SRP72: variants seen among roughly 807,000 people sequenced by gnomAD.
SRP72 encodes the protein signal recognition particle subunit SRP72.
SRP72 carries 49 observed loss-of-function variants against 96.3 expected under a neutral mutation model. The ratio of observed to expected loss-of-function variants is 0.51; its 90% CI spans 0.40 to 0.65. The LOEUF is 0.65. Among genes scored for constraint, SRP72 ranks in the 30% least tolerant of loss-of-function variants. The pLI, the probability that SRP72 is intolerant of heterozygous loss-of-function variation, is 0.00. For synonymous variants in SRP72, 267 were observed against 275.2 expected (o/e 0.97, Z 0.30); for missense variants, 736 against 793.3 (o/e 0.93, Z 0.87).
At chr4:56,473,572 T>C (rs7675292) in intron 3 of SRP72, among the ~76,000 whole-genome samples, 1 of 150,676 alleles carries the variant, frequency 6.6e-6, no homozygotes, top group Non-Finnish European at 1.5e-5. Flanking sequence ...AGTTTGAGAC[T>C]AGCCTGACCA....
intron 13 of SRP72, 92 bp from the exon 14 acceptor site, chr4:56,490,241 G>C: frequency 1.1e-6 from 1 of 911,166 alleles, no homozygotes; most frequent in Non-Finnish European, 1.7e-6. Flanking sequence ...CTAATGCATA[G>C]GTGTATTTCT....
rs886059503 is a variant in SRP72, at chr4:56,503,539, C to T, written c.*1678C>T. Reference sequence around the variant, plus strand: ...CATGAACTTTCTAGAAATATTTCCTCTTTTGGATAGGTCTTTAACCAGTTC... The same window carrying T: ...CATGAACTTTCTAGAAATATTTCCTTTTTTGGATAGGTCTTTAACCAGTTC... On this transcript the variant is annotated 3_prime_UTR_variant, in exon 19 of 19. Transcript: ENST00000642900. The T allele has an allele frequency of 9.9e-5, 15 of 152,272 alleles. No homozygotes were observed. The highest frequency in any genetic ancestry group is 6.8e-3 in the Middle Eastern group (2 of 294). 9.4% of individuals were successfully genotyped at this position (152,272 alleles called of 1,614,324 possible).
At chr4:56,501,343 C>T (rs575422737) in intron 18 of SRP72, among the ~76,000 whole-genome samples, 14 of 152,046 alleles carry the variant, frequency 9.2e-5, no homozygotes, top group East Asian at 1.9e-4. Context: ...AGAAGGATCA[C>T]GTGAACCCAG....
chr4:56,488,230 T>C (rs567754032), intron 12 of SRP72, among the ~76,000 whole-genome samples: 14 of 152,326 alleles, frequency 9.2e-5, no homozygotes, highest in Admixed American at 3.9e-4. Context: ...TTAGGCCTTA[T>C]AGTATCACTG....
Position 56,474,055 on chromosome 4 carries a change from T to G in SRP72, c.356T>G (p.Leu119Ter), listed in dbSNP as rs1364504154. ...TTTTACTTGCTATTTATTATTCAGT[T>G]ATACCGTTTGGAACGCTATGATGAA... ...DKLKELYGQV[L>*]YRLERYDECL... is the part of the protein sequence containing the mutation. The change falls in exon 4 of 19, where the codon TTA becomes TGA. Residue 119 changes from leucine (L) to a stop codon, truncating the protein, a stop_gained and splice_region_variant. Coordinates refer to ENST00000642900, the MANE Select transcript of SRP72 (RefSeq NM_006947.4). LOFTEE classifies it high-confidence loss of function. The G allele has an allele frequency of 5.0e-6, 8 of 1,611,798 alleles. No homozygotes were observed. Among genetic ancestry groups the G allele is most frequent in the Non-Finnish European group, 5.9e-6 (7 of 1,179,356 alleles).
intron 17 of SRP72, among the ~76,000 whole-genome samples, chr4:56,497,702 A>T (rs1487979171): frequency 9.9e-5 from 15 of 152,090 alleles, no homozygotes; most frequent in Admixed American, 9.8e-4. Context: ...TTCTGTTCTT[A>T]ACTTTGTATC....
At chr4:56,485,658 CT>C (rs1302557648) in intron 10 of SRP72, among the ~76,000 whole-genome samples, 3 of 152,026 alleles carry the variant, frequency 2.0e-5, no homozygotes, top group Non-Finnish European at 4.4e-5. Flanking sequence ...AAAAATTAGC[CT>C]GGCATGGTGG....
At chr4:56,498,219 C>G (rs1458339142) in intron 17 of SRP72, among the ~76,000 whole-genome samples, 1 of 151,792 alleles carries the variant, frequency 6.6e-6, no homozygotes, top group Non-Finnish European at 1.5e-5. Context: ...CAATAAAATT[C>G]AACACCCCTT....
intron 2 of SRP72, 123 bp from the exon 3 acceptor site, chr4:56,471,597 A>T: frequency 2.6e-6 from 3 of 1,136,092 alleles, no homozygotes; most frequent in Non-Finnish European, 3.7e-6. Flanking sequence ...ACAAGTCTCT[A>T]ACCTTTGTCA....
At chr4:56,500,444 GTTAT>G (rs1441232419) in intron 17 of SRP72, 88 bp from the exon 18 acceptor site, 3 of 1,252,926 alleles carry the variant, frequency 2.4e-6, no homozygotes, top group Non-Finnish European at 3.3e-6. Context: ...CCATTTTAAT[GTTAT>G]TTATTCCCAG....
At position 56,474,318 on chromosome 4, in the gene SRP72, C is replaced by T; in HGVS notation, c.537C>T (p.Cys179=). 1 of 1,614,174 alleles carries T rather than the reference C, an allele frequency of 6.2e-7. No individual in the cohort carries two copies. The highest frequency in any genetic ancestry group is 8.5e-7 in the Non-Finnish European group (1 of 1,180,040). Residue 179 remains cysteine, a synonymous_variant, in exon 5 of 19, where the codon TGC becomes TGT. Transcript: ENST00000642900. ...LGLQEGTHEL[C]YNTACALIGQ... ...TCCAAGAAGGCACACATGAGCTGTG[C>T]TACAACACTGCATGTGCACTGATAG...
rs143643243 is a variant in SRP72 at position 56,500,660 on chromosome 4, G to A, written c.1803G>A (p.Gly601=). ...KGKKKDQIGK[G]TQGATAGASS... is the part of the protein sequence containing the mutation. ...AAAAGAAGGATCAGATTGGAAAAGG[G>A]ACCCAGGGAGCAACTGCAGGAGCTT... The change falls in exon 18 of 19, where the codon GGG becomes GGA. Residue 601 remains glycine, a synonymous_variant. Coordinates refer to ENST00000642900, the MANE Select transcript of SRP72 (RefSeq NM_006947.4). The A allele has an allele frequency of 1.7e-3, 2,729 of 1,613,830 alleles. 5 individuals carry two copies. Among genetic ancestry groups the A allele is most frequent in the Non-Finnish European group, 2.1e-3 (2,523 of 1,179,842 alleles).
Position 56,467,762 on chromosome 4 carries a change from C to T in SRP72, c.109+18C>T. 1 of 1,414,390 alleles carries T rather than the reference C, an allele frequency of 7.1e-7. No individual in the cohort carries two copies. Among genetic ancestry groups the T allele is most frequent in the Non-Finnish European group, 9.4e-7 (1 of 1,059,582 alleles). The allele number at this position is 1,414,390 out of a possible 1,614,324, so 87.6% of individuals were successfully genotyped here. Reference sequence around the variant, plus strand: ...CAATAAGAGTAAGTGTCGGGGTGGGCACTGGGGCGGGCCCAGGCCGGCTGG... The same window carrying T: ...CAATAAGAGTAAGTGTCGGGGTGGGTACTGGGGCGGGCCCAGGCCGGCTGG... On this transcript the variant is annotated intron_variant, in intron 1 of 18. Coordinates refer to ENST00000642900, the MANE Select transcript of SRP72 (RefSeq NM_006947.4).
At chr4:56,469,078 A>G (rs1481597999) in intron 1 of SRP72, among the ~76,000 whole-genome samples, 2 of 152,204 alleles carry the variant, frequency 1.3e-5, no homozygotes, top group Non-Finnish European at 2.9e-5. Flanking sequence ...AGCAAGATAA[A>G]TTGCCTTTGT....
chr4:56,491,120 C>T (rs1720891264), intron 15 of SRP72, among the ~76,000 whole-genome samples: 1 of 152,126 alleles, frequency 6.6e-6, no homozygotes, highest in Non-Finnish European at 1.5e-5. Flanking sequence ...TAAGCAGTCA[C>T]AAGTCATAAA....
Position 56,491,426 on chromosome 4 carries a change from C to G in SRP72, c.1503-5C>G, listed in dbSNP as rs1720901440. The G allele has an allele frequency of 5.6e-6, 9 of 1,612,936 alleles. No homozygotes were observed. The highest frequency in any genetic ancestry group is 5.9e-6 in the Non-Finnish European group (7 of 1,179,530). On this transcript the variant is annotated splice_polypyrimidine_tract_variant and splice_region_variant and intron_variant, in intron 15 of 18. Coordinates refer to ENST00000642900, the MANE Select transcript of SRP72 (RefSeq NM_006947.4). Reference sequence around the variant, plus strand: ...TTATGTTCCTGAACTCCTGTTCTATCACAGTCTTAGTAAACACTTGCCATC... The same window carrying G: ...TTATGTTCCTGAACTCCTGTTCTATGACAGTCTTAGTAAACACTTGCCATC...
intron 5 of SRP72, among the ~76,000 whole-genome samples, chr4:56,475,005 AAATT>A (rs1192591035): frequency 1.3e-5 from 2 of 152,136 alleles, no homozygotes; most frequent in South Asian, 2.1e-4. Flanking sequence ...ATTAAGAAAA[AAATT>A]AATTTATTAG....
At chr4:56,470,322 C>T (rs80195845) in intron 2 of SRP72, among the ~76,000 whole-genome samples, 1,581 of 152,194 alleles carry the variant, frequency 0.01, 32 homozygotes, top group African/African-American at 0.036. Flanking sequence ...GGGCGGATCA[C>T]GAGGTCAGGG....
intron 6 of SRP72, chr4:56,477,297 C>CTTTTTTTTTTTTTTT (rs1560677869): frequency 7.0e-4 from 80 of 114,798 alleles, no homozygotes; most frequent in Non-Finnish European, 8.3e-4. Flanking sequence ...CTCTCTCTCT[C>CTTTTTTTTTTTTTTT]TCTCTTTTTT....
Sources: gnomAD v4.1 joint callset for allele counts (sites outside exome capture counted in the v4.1 genomes callset) on GRCh38, gnomAD v4.1.1 for gene constraint, MANE v1.5 for transcripts, NCBI Gene and HGNC (gene_info 2026-07-23, HGNC 2026-07-21) for gene names.